Variants in AKAP9 observed in about 807,000 individuals in gnomAD.
AKAP9 encodes the protein A-kinase anchor protein 9.
AKAP9 carries 311 observed loss-of-function variants against 488.5 expected under a neutral mutation model. That is an observed-to-expected ratio of 0.64 (90% CI 0.58 to 0.70). The LOEUF (loss-of-function observed/expected upper bound fraction) is 0.70, where lower values mean the gene tolerates loss of function less well. AKAP9 is among the 30% of genes least tolerant of loss of function. The pLI, the probability that AKAP9 is intolerant of heterozygous loss-of-function variation, is 0.00. For synonymous variants in AKAP9, 1,462 were observed against 1,483.5 expected (o/e 0.99, Z 0.33); for missense variants, 4,215 against 4,374.5 (o/e 0.96, Z 1.03).
Position 91,992,200 on chromosome 7 carries a change from A to G in AKAP9, c.394A>G (p.Asn132Asp), listed in dbSNP as rs755049262. ...TGTGATGAGAACAGGAAAGCCTACA[A>G]ATTTATTAAGGGTACAGTATTTAAA... ...SFVMRTGKPT[N>D]LLREEEFGVD... The change falls in exon 4 of 50, where the codon AAT becomes GAT. Residue 132 changes from asparagine (N) to aspartate (D), a missense_variant. Asn to Asp is a conservative substitution (Grantham distance 23). This residue lies in a region of AKAP9 where 2,361 missense variants were observed against 2,430.0 expected (regional missense o/e 0.97). Transcript: ENST00000356239. The G allele has an allele frequency of 1.1e-5, 17 of 1,607,942 alleles. No homozygotes were observed. The highest frequency in any genetic ancestry group is 4.0e-5 in the African/African-American group (3 of 74,780).
intron 14 of AKAP9, among the ~76,000 whole-genome samples, chr7:92,027,537 C>A (rs1052978735): frequency 2.7e-5 from 4 of 149,662 alleles, no homozygotes; most frequent in Non-Finnish European, 5.9e-5. Context: ...AGGAACGCCT[C>A]TGCCCGGCTG....
intron 20 of AKAP9, 56 bp from the exon 21 acceptor site, chr7:92,044,952 A>T: frequency 7.1e-7 from 1 of 1,410,614 alleles, no homozygotes; most frequent in Non-Finnish European, 1.0e-6. Flanking sequence ...GACATAAGCA[A>T]AGTGTTTGCT....
intron 3 of AKAP9, among the ~76,000 whole-genome samples, chr7:91,986,958 A>T (rs953264106): frequency 5.9e-5 from 9 of 151,840 alleles, no homozygotes; most frequent in African/African-American, 2.2e-4. Context: ...ATATATACAT[A>T]TGCATACTTT....
Position 92,040,811 on chromosome 7 carries a change from A to C in AKAP9, c.4830A>C (p.Gln1610His), listed in dbSNP as rs1262605225. The C allele has an allele frequency of 6.2e-7, 1 of 1,614,108 alleles. No individual in the cohort carries two copies. The highest frequency in any genetic ancestry group is 1.1e-5 in the South Asian group (1 of 91,076). Reference sequence around the variant, plus strand: ...AACAGGCAACGGAATTGTTAAGGCAAGCACATATGCGGCAAATGGAGAGAC... The same window carrying C: ...AACAGGCAACGGAATTGTTAAGGCACGCACATATGCGGCAAATGGAGAGAC... The part of the protein sequence containing the change: ...EHQQATELLR[Q>H]AHMRQMERQR... Residue 1610 changes from glutamine (Q) to histidine (H), a missense_variant, in exon 18 of 50, where the codon CAA becomes CAC. Physicochemically the swap from Gln to His is conservative, Grantham distance 24 (BLOSUM62 0). Transcript: ENST00000356239.
chr7:91,978,584 C>G (rs1456518489), intron 2 of AKAP9, among the ~76,000 whole-genome samples: 1 of 152,102 alleles, frequency 6.6e-6, no homozygotes, highest in Non-Finnish European at 1.5e-5. Flanking sequence ...ATACCCAAAT[C>G]CAGGCATGTG....
At chr7:92,102,485 T>TACC (rs1563151515) in intron 45 of AKAP9, 109 bp from the exon 46 acceptor site, 5 of 558,396 alleles carry the variant, frequency 9.0e-6, no homozygotes, top group African/African-American at 6.9e-5. Flanking sequence ...CTACTACTAC[T>TACC]ACTACCACCA....
intron 35 of AKAP9, 119 bp downstream of exon 35, chr7:92,085,059 A>C: frequency 9.0e-7 from 1 of 1,116,876 alleles, no homozygotes; most frequent in Non-Finnish European, 1.3e-6. Flanking sequence ...CTTAGCTAGA[A>C]GGAATCTGAG....
At chr7:92,086,047 G>A (rs1339499442) in intron 36 of AKAP9, among the ~76,000 whole-genome samples, 181 bp from the exon 37 acceptor site, 1 of 152,100 alleles carries the variant, frequency 6.6e-6, no homozygotes, top group East Asian at 1.9e-4. Context: ...CTGAGATCAT[G>A]CCACTGCACT....
chr7:91,963,745 C>T (rs1461031361), intron 1 of AKAP9, among the ~76,000 whole-genome samples: 1 of 152,164 alleles, frequency 6.6e-6, no homozygotes, highest in Non-Finnish European at 1.5e-5. Flanking sequence ...GTCTTGAACT[C>T]CTGACCTTGT....
chr7:91,969,699 A>G lies in AKAP9; in HGVS notation c.49-4012A>G, dbSNP rs574786011. The stretch of plus-strand genomic sequence containing the variant: ...TTTTTATAGTCTTGACTGGTAGCCT[A>G]TTTTATCTGATACAAGTATAGCTAC... On this transcript the variant is annotated intron_variant, in intron 1 of 49. Coordinates refer to ENST00000356239, the MANE Select transcript of AKAP9 (RefSeq NM_005751.5). Among the ~76,000 whole-genome samples the G allele has an allele frequency of 6.6e-4, 100 of 152,198 alleles. 1 individual carries two copies. The highest frequency in any genetic ancestry group is 2.5e-3 in the Admixed American group (38 of 15,278).
intron 14 of AKAP9, among the ~76,000 whole-genome samples, chr7:92,027,707 ATGTGAGGAGCG>A (rs1803546992): frequency 6.8e-6 from 1 of 147,026 alleles, no homozygotes; most frequent in Non-Finnish European, 1.5e-5. Context: ...CCCGTCTGGG[ATGTGAGGAGCG>A]CCTCTGCCTG....
chr7:92,004,828 T>G (rs1001288216), intron 8 of AKAP9, among the ~76,000 whole-genome samples: 13 of 152,272 alleles, frequency 8.5e-5, no homozygotes, highest in East Asian at 3.9e-4. Flanking sequence ...CTGCCTGATT[T>G]CCCTGGCCAG....
intron 44 of AKAP9, among the ~76,000 whole-genome samples, chr7:92,100,392 A>T (rs768304339): frequency 6.6e-6 from 1 of 152,262 alleles, no homozygotes; most frequent in Non-Finnish European, 1.5e-5. Context: ...GCTAGTTTCC[A>T]TAATCACCCA....
chr7:91,994,598 T>C (rs757836233), intron 5 of AKAP9, 23 bp from the exon 6 acceptor site: 12 of 1,594,984 alleles, frequency 7.5e-6, no homozygotes, highest in Non-Finnish European at 9.4e-6. Flanking sequence ...AAAATAAATC[T>C]AGCACTTACT....
intron 16 of AKAP9, among the ~76,000 whole-genome samples, chr7:92,032,442 G>A (rs1446947223): frequency 1.3e-5 from 2 of 150,548 alleles, no homozygotes; most frequent in Admixed American, 6.6e-5. Flanking sequence ...GTTGTGGTGA[G>A]CTGAGATCGC....
At chr7:92,102,475 C>CTAA in intron 45 of AKAP9, 119 bp from the exon 46 acceptor site, 1 of 713,508 alleles carries the variant, frequency 1.4e-6, no homozygotes. Flanking sequence ...ACTACTACTA[C>CTAA]TACTACTACT....
At chr7:91,953,432 C>T (rs1308223897) in intron 1 of AKAP9, among the ~76,000 whole-genome samples, 1 of 152,162 alleles carries the variant, frequency 6.6e-6, no homozygotes, top group Non-Finnish European at 1.5e-5. Context: ...ATCCTGACTG[C>T]CATTTACTAG....
At chr7:92,049,616 A>C (rs997567316) in intron 21 of AKAP9, among the ~76,000 whole-genome samples, 1 of 152,014 alleles carries the variant, frequency 6.6e-6, no homozygotes, top group South Asian at 2.1e-4. Flanking sequence ...ATCTCAAAAA[A>C]AATAATAATA....
At chr7:92,030,799 G>T (rs1233106327) in intron 15 of AKAP9, among the ~76,000 whole-genome samples, 1 of 128,872 alleles carries the variant, frequency 7.8e-6, no homozygotes, top group African/African-American at 3.0e-5. Flanking sequence ...CCCTGCCTCT[G>T]CTCAACATTG....
Sources: gnomAD v4.1 joint callset for allele counts (sites outside exome capture counted in the v4.1 genomes callset) on GRCh38, gnomAD v4.1.1 for gene constraint, gnomAD v4.1.1 regional missense constraint, MANE v1.5 for transcripts, NCBI Gene and HGNC (gene_info 2026-07-23, HGNC 2026-07-21) for gene names.